Variants in HNRNPA1L3 observed in about 807,000 individuals in gnomAD.
HNRNPA1L3 encodes the protein heterogeneous nuclear ribonucleoprotein A1-like 3.
chr16:51,646,773 G>A, the HNRNPA1L3 span: 1 of 1,594,562 alleles, frequency 6.3e-7, no homozygotes. Context: ...AGTGGCAGAA[G>A]ATTTTAATTA....
chr16:51,646,068 T>C, the HNRNPA1L3 span: 2 of 1,593,008 alleles, frequency 1.3e-6, no homozygotes, highest in Non-Finnish European at 1.7e-6. Flanking sequence ...GGAAGAGTTG[T>C]GGAACCAAAG....
chr16:51,646,958 T>C, the HNRNPA1L3 span: 1 of 678,934 alleles, frequency 1.5e-6, no homozygotes, highest in South Asian at 1.6e-5. Flanking sequence ...ACTGTATTTG[T>C]GACTAATTGT....
At chr16:51,646,272 C>G in the HNRNPA1L3 span, 14 of 1,596,322 alleles carry the variant, frequency 8.8e-6, no homozygotes, top group Middle Eastern at 2.2e-4. Flanking sequence ...GCCTTTGTAA[C>G]CTTTGACGAC....
At chr16:51,646,718 A>T in the HNRNPA1L3 span, 7 of 1,598,708 alleles carry the variant, frequency 4.4e-6, no homozygotes, top group Non-Finnish European at 5.9e-6. Context: ...AAAACCACGA[A>T]ACCAAGGTGG....
chr16:51,645,932 A>C, the HNRNPA1L3 span: 49 of 1,606,470 alleles, frequency 3.1e-5, no homozygotes, highest in Non-Finnish European at 4.1e-5. Flanking sequence ...GCAATGGGGA[A>C]CGCTCACGGA....
At chr16:51,645,883 C>A in the HNRNPA1L3 span, 1 of 1,607,754 alleles carries the variant, frequency 6.2e-7, no homozygotes, top group Non-Finnish European at 8.5e-7. Flanking sequence ...GAGGGTTGAG[C>A]TTTGAAACAA....
chr16:51,647,062 G>T, the HNRNPA1L3 span: 15 of 429,632 alleles, frequency 3.5e-5, no homozygotes, highest in South Asian at 2.9e-4. Flanking sequence ...ACCCCATGCT[G>T]TTGATTGCTA....
chr16:51,646,586 G>A, the HNRNPA1L3 span: 2 of 1,579,456 alleles, frequency 1.3e-6, no homozygotes, highest in South Asian at 1.1e-5. Context: ...TTTTGGAGGT[G>A]GTGGAAGCTA....
the HNRNPA1L3 span, chr16:51,646,548 A>C: frequency 4.4e-5 from 71 of 1,596,620 alleles, no homozygotes; most frequent in Non-Finnish European, 5.8e-5. Flanking sequence ...GGGGATGGCT[A>C]TAATGGATTT....
the HNRNPA1L3 span, chr16:51,645,833 T>A: frequency 1.9e-6 from 3 of 1,604,664 alleles, no homozygotes; most frequent in Admixed American, 5.0e-5. Context: ...TAAGTCAGAG[T>A]CTCCTAAAGA....
the HNRNPA1L3 span, chr16:51,647,000 A>G: frequency 1.7e-6 from 1 of 602,966 alleles, no homozygotes; most frequent in Non-Finnish European, 2.9e-6. Context: ...TGTTCTGTGG[A>G]AAGTGTAAAG....
the HNRNPA1L3 span, chr16:51,646,532 G>A: frequency 6.3e-7 from 1 of 1,597,562 alleles, no homozygotes; most frequent in Non-Finnish European, 8.5e-7. Flanking sequence ...TGGATATGGT[G>A]GCAGTGGGGA....
the HNRNPA1L3 span, chr16:51,646,549 T>C: frequency 6.3e-7 from 1 of 1,596,562 alleles, no homozygotes; most frequent in Non-Finnish European, 8.5e-7. Context: ...GGGATGGCTA[T>C]AATGGATTTG....
At chr16:51,645,773 C>A in the HNRNPA1L3 span, 1 of 1,607,016 alleles carries the variant, frequency 6.2e-7, no homozygotes. Flanking sequence ...TGCCCTTGGA[C>A]GCCGCCGAAG....
chr16:51,645,818 A>G, the HNRNPA1L3 span: 2 of 1,607,832 alleles, frequency 1.2e-6, no homozygotes, highest in South Asian at 1.1e-5. Flanking sequence ...CCCTGCCGTC[A>G]TGTCTAAGTC....
At chr16:51,645,926 T>C in the HNRNPA1L3 span, 7 of 1,606,898 alleles carry the variant, frequency 4.4e-6, no homozygotes, top group African/African-American at 6.7e-5. Context: ...TTTTGAGCAA[T>C]GGGGAACGCT....
the HNRNPA1L3 span, chr16:51,645,863 C>A: frequency 1.2e-6 from 2 of 1,606,530 alleles, no homozygotes; most frequent in African/African-American, 2.7e-5. Context: ...GCTGAGGAAG[C>A]TCTTCATTGG....
chr16:51,645,791 G>T, the HNRNPA1L3 span: 2 of 1,608,104 alleles, frequency 1.2e-6, no homozygotes, highest in Non-Finnish European at 1.7e-6. Flanking sequence ...AAGAAGCATC[G>T]TTAAAGTCTC....
chr16:51,646,341 G>A, the HNRNPA1L3 span: 1 of 1,556,450 alleles, frequency 6.4e-7, no homozygotes, highest in African/African-American at 1.3e-5. Context: ...GGCCACAACT[G>A]TGAAGTTAGA....
Sources: allele counts gnomAD v4.1 joint callset, GRCh38; gene constraint gnomAD v4.1.1; transcripts MANE v1.5; gene names NCBI Gene and HGNC (gene_info 2026-07-23, HGNC 2026-07-21).